RBFOX1: variants seen among roughly 807,000 people sequenced by gnomAD.
RBFOX1 encodes the protein RNA binding fox-1 homolog 1, also known as RNA binding protein fox-1 homolog 1.
Under a neutral mutation model 57.7 loss-of-function variants are expected in RBFOX1, and 8 were observed. The ratio of observed to expected loss-of-function variants is 0.14; its 90% CI spans 0.08 to 0.25. The LOEUF is 0.25. Among genes scored for constraint, RBFOX1 ranks in the 10% least tolerant of loss-of-function variants. The probability of loss-of-function intolerance (pLI) is 1.00; values close to 1 mark genes in which losing one functional copy is unlikely to be tolerated. For synonymous variants in RBFOX1, 326 were observed against 222.4 expected (o/e 1.47, Z -4.15); for missense variants, 611 against 548.5 (o/e 1.11, Z -1.14).
chr16:6,004,202 T>A (rs576171947), intron 4 of RBFOX1, among the ~76,000 whole-genome samples: 5 of 152,142 alleles, frequency 3.3e-5, no homozygotes, highest in African/African-American at 7.2e-5. Flanking sequence ...TAAAATAAAA[T>A]TTTTTTTAAA....
chr16:6,695,339 C>G (rs2060857286), intron 3 of RBFOX1, among the ~76,000 whole-genome samples: 1 of 143,342 alleles, frequency 7.0e-6, no homozygotes. Flanking sequence ...TCGCTTGAAC[C>G]CAACAGGTAG....
intron 4 of RBFOX1, among the ~76,000 whole-genome samples, chr16:7,450,255 A>G (rs541779120): frequency 5.9e-5 from 9 of 151,968 alleles, no homozygotes; most frequent in Non-Finnish European, 1.3e-4. Flanking sequence ...TTAGCTGGGC[A>G]TGGTGACATA....
chr16:5,737,136 G>A (rs562352282), intron 3 of RBFOX1, among the ~76,000 whole-genome samples: 1 of 152,122 alleles, frequency 6.6e-6, no homozygotes, highest in African/African-American at 2.4e-5. Flanking sequence ...TCTGCTGGAT[G>A]CTTCATGTCA....
chr16:6,573,467 G>T (rs1470536306), intron 2 of RBFOX1, among the ~76,000 whole-genome samples: 2 of 152,136 alleles, frequency 1.3e-5, no homozygotes, highest in East Asian at 3.9e-4. Context: ...CATAATCAGG[G>T]AGCCTGCTGT....
At chr16:6,753,747 C>A (rs2075340245) in intron 3 of RBFOX1, among the ~76,000 whole-genome samples, 1 of 152,098 alleles carries the variant, frequency 6.6e-6, no homozygotes, top group African/African-American at 2.4e-5. Flanking sequence ...CAGCTCTGGC[C>A]TCCTTGGATT....
At chr16:6,439,233 G>A (rs1267925146) in intron 2 of RBFOX1, among the ~76,000 whole-genome samples, 5 of 152,206 alleles carry the variant, frequency 3.3e-5, no homozygotes, top group Non-Finnish European at 5.9e-5. Flanking sequence ...AGGGCAGATA[G>A]CACATCCTTC....
At chr16:5,942,433 A>G (rs1334510607) in intron 4 of RBFOX1, among the ~76,000 whole-genome samples, 1 of 152,178 alleles carries the variant, frequency 6.6e-6, no homozygotes, top group African/African-American at 2.4e-5. Context: ...CAGAAATGCA[A>G]AACTCTGAAA....
At chr16:7,453,253 A>T (rs570982693) in intron 4 of RBFOX1, among the ~76,000 whole-genome samples, 1 of 152,134 alleles carries the variant, frequency 6.6e-6, no homozygotes, top group South Asian at 2.1e-4. Context: ...ACAGAGAGGT[A>T]TGAGAGTAGC....
At chr16:6,205,383 A>G (rs1361251367) in intron 1 of RBFOX1, among the ~76,000 whole-genome samples, 4 of 152,226 alleles carry the variant, frequency 2.6e-5, no homozygotes, top group Non-Finnish European at 1.5e-5. Flanking sequence ...CTGAGATGAA[A>G]TTGAACAAGG....
At chr16:6,929,549 T>G (rs978746051) in intron 3 of RBFOX1, among the ~76,000 whole-genome samples, 1 of 152,120 alleles carries the variant, frequency 6.6e-6, no homozygotes, top group Non-Finnish European at 1.5e-5. Flanking sequence ...CAGTTATGAC[T>G]GTAGCTGTGA....
chr16:7,110,304 T>G (rs901415066), intron 4 of RBFOX1, among the ~76,000 whole-genome samples: 1 of 151,828 alleles, frequency 6.6e-6, no homozygotes, highest in Non-Finnish European at 1.5e-5. Context: ...CAGGCTGTGG[T>G]GAACTATGAT....
chr16:6,567,785 G>C (rs982587170), intron 2 of RBFOX1, among the ~76,000 whole-genome samples: 3 of 152,042 alleles, frequency 2.0e-5, no homozygotes, highest in Non-Finnish European at 4.4e-5. Flanking sequence ...TAAGCATTTA[G>C]GGCTTTATGG....
Position 6,773,999 on chromosome 16 carries a change from C to T in RBFOX1, c.-16+119349C>T, listed in dbSNP as rs368259179. 73 of 985,320 alleles carry T rather than the reference C, an allele frequency of 7.4e-5. No individual in the cohort carries two copies. In the African/African-American group the frequency reaches 1.2e-3, roughly 16 times the overall value. 61.0% of individuals were successfully genotyped at this position (985,320 alleles called of 1,614,324 possible). ...CGTTTTCAACTGAACCTGTAATTAG[C>T]TCCTCAGAGACCAGGTAATCACAGT... On this transcript the variant is annotated intron_variant, in intron 3 of 15. Transcript: ENST00000550418.
chr16:5,742,060 T>C (rs1327817288), intron 3 of RBFOX1, among the ~76,000 whole-genome samples: 1 of 152,192 alleles, frequency 6.6e-6, no homozygotes, highest in Admixed American at 6.5e-5. Context: ...TTTTAAAAAA[T>C]GCTATATCCA....
At position 5,706,206 on chromosome 16, in the gene RBFOX1, C is replaced by T. The variant is rs576190720; in HGVS notation, c.318+107245C>T. 6.6e-5 allele frequency among the ~76,000 whole-genome samples: 10 copies of T among 152,310 alleles called. No homozygotes were observed. In the South Asian group the frequency reaches 8.3e-4, roughly 13 times the overall value. On this transcript the variant is annotated intron_variant, in intron 3 of 19. Transcript: ENST00000641259. ...GATTACAGGCGTGGGCCATGGCTCC[C>T]GGCCATGTTGCTTTTTTTCCTATGA...
intron 2 of RBFOX1, among the ~76,000 whole-genome samples, chr16:6,474,804 G>A (rs187850714): frequency 5.3e-5 from 8 of 152,226 alleles, no homozygotes; most frequent in East Asian, 3.9e-4. Flanking sequence ...ACTTAAATAC[G>A]GTGCCCACTT....
At chr16:6,252,540 A>G (rs2097625182) in intron 1 of RBFOX1, among the ~76,000 whole-genome samples, 1 of 152,176 alleles carries the variant, frequency 6.6e-6, no homozygotes, top group African/African-American at 2.4e-5. Flanking sequence ...GAATTCCAAA[A>G]GCCCCAGTTG....
intron 3 of RBFOX1, among the ~76,000 whole-genome samples, chr16:6,797,408 G>A (rs1195075619): frequency 1.3e-5 from 2 of 152,108 alleles, no homozygotes; most frequent in Non-Finnish European, 2.9e-5. Context: ...GAGAGAAAGG[G>A]GGAGAGAGAT....
chr16:7,321,876 C>T (rs576682476), intron 4 of RBFOX1, among the ~76,000 whole-genome samples: 6 of 152,296 alleles, frequency 3.9e-5, no homozygotes, highest in African/African-American at 1.2e-4. Context: ...CACCAGCTGC[C>T]TGGCCATGAC....
Sources: gnomAD v4.1 joint callset for allele counts (sites outside exome capture counted in the v4.1 genomes callset) on GRCh38, gnomAD v4.1.1 for gene constraint, MANE v1.5 for transcripts, NCBI Gene and HGNC (gene_info 2026-07-23, HGNC 2026-07-21) for gene names.